The following TSHZ2 variants were observed in gnomAD, a reference collection of about 807,000 sequenced individuals.
TSHZ2 encodes the protein teashirt homolog 2.
Under a neutral mutation model 74.4 loss-of-function variants are expected in TSHZ2, and 21 were observed. That is an observed-to-expected ratio of 0.28 (90% confidence interval 0.20 to 0.41). The LOEUF (loss-of-function observed/expected upper bound fraction) is 0.41. Ranked by LOEUF, TSHZ2 falls within the 10% of genes least tolerant of loss-of-function variation. TSHZ2 has a pLI of 1.00. For missense variants in TSHZ2, 1,244 were observed against 1,293.5 expected, an observed-to-expected ratio of 0.96 and a Z score of 0.59; for synonymous variants, 540 against 515.3, an observed-to-expected ratio of 1.05 and a Z score of -0.65.
chr20:53,207,415 A>G (rs1000114185), intron 1 of TSHZ2, among the ~76,000 whole-genome samples: 1 of 152,132 alleles, frequency 6.6e-6, no homozygotes, highest in Admixed American at 6.5e-5. Flanking sequence ...GTGTGTTCTG[A>G]AGCCCTGAAG....
At chr20:53,066,929 C>CAGG (rs1221348095) in intron 1 of TSHZ2, among the ~76,000 whole-genome samples, 3 of 152,178 alleles carry the variant, frequency 2.0e-5, no homozygotes, top group Non-Finnish European at 2.9e-5. Context: ...GAGTGGGGTG[C>CAGG]AGGAGACAGC....
intron 1 of TSHZ2, among the ~76,000 whole-genome samples, chr20:53,052,967 C>T (rs535373905): frequency 1.2e-4 from 18 of 152,280 alleles, no homozygotes; most frequent in African/African-American, 3.6e-4. Flanking sequence ...CAACCGTCGT[C>T]GCGGTATCTA....
At chr20:53,068,762 C>A (rs1013245914) in intron 1 of TSHZ2, among the ~76,000 whole-genome samples, 4 of 152,054 alleles carry the variant, frequency 2.6e-5, no homozygotes, top group African/African-American at 9.7e-5. Flanking sequence ...ATAGGACACC[C>A]ATATGACTTT....
chr20:52,980,389 G>A (rs999912298), intron 1 of TSHZ2, among the ~76,000 whole-genome samples: 10 of 149,950 alleles, frequency 6.7e-5, no homozygotes, highest in Admixed American at 1.3e-4. Context: ...AAGGCCTCAT[G>A]TTTCCACAAC....
At chr20:53,385,447 G>T (rs189143913) in intron 2 of TSHZ2, among the ~76,000 whole-genome samples, 2 of 152,112 alleles carry the variant, frequency 1.3e-5, no homozygotes, top group African/African-American at 4.8e-5. Context: ...GATCACTCAC[G>T]CCTCCCTCGG....
intron 2 of TSHZ2, among the ~76,000 whole-genome samples, chr20:53,279,890 A>G (rs1173335202): frequency 6.6e-6 from 1 of 152,188 alleles, no homozygotes; most frequent in Non-Finnish European, 1.5e-5. Context: ...TGAGAAGAAG[A>G]GGATTTCAGA....
intron 1 of TSHZ2, among the ~76,000 whole-genome samples, chr20:53,131,292 T>G (rs1393807444): frequency 1.3e-5 from 2 of 152,254 alleles, no homozygotes; most frequent in Non-Finnish European, 2.9e-5. Context: ...AAATAATGCA[T>G]GCTGACAATG....
At chr20:53,248,471 T>G (rs1480908404) in intron 1 of TSHZ2, among the ~76,000 whole-genome samples, 2 of 152,172 alleles carry the variant, frequency 1.3e-5, no homozygotes, top group African/African-American at 2.4e-5. Flanking sequence ...GTAAAACAAA[T>G]GCAGCATATA....
At chr20:53,384,991 G>A (rs191060245) in intron 2 of TSHZ2, among the ~76,000 whole-genome samples, 1 of 152,120 alleles carries the variant, frequency 6.6e-6, no homozygotes, top group African/African-American at 2.4e-5. Context: ...CATAGTGGCG[G>A]GTGCCTGTAG....
chr20:53,141,137 T>C (rs1054012543), intron 1 of TSHZ2, among the ~76,000 whole-genome samples: 1 of 152,152 alleles, frequency 6.6e-6, no homozygotes, highest in East Asian at 1.9e-4. Context: ...ATAGGGATGG[T>C]GCAGTGAGCC....
chr20:53,201,427 G>A (rs990558282), intron 1 of TSHZ2, among the ~76,000 whole-genome samples: 2 of 152,022 alleles, frequency 1.3e-5, no homozygotes, highest in South Asian at 2.1e-4. Context: ...ATTGCATCAC[G>A]GTGACCTCTG....
rs146118260 is a variant in TSHZ2 at position 53,260,847 on chromosome 20, C to T, written c.*8+4276C>T. On this transcript the variant is annotated intron_variant, in intron 2 of 2. Transcript: ENST00000371497. The stretch of plus-strand genomic sequence containing the variant: ...CCATGCTCTGTAGCCTCACCTGCAG[C>T]GTAGAGAACTTGCAGCAACTTCTCA... Among the ~76,000 whole-genome samples the T allele has an allele frequency of 2.1e-3, 323 of 152,262 alleles. 7 individuals are homozygous for T. The highest frequency in any genetic ancestry group is 0.016 in the Admixed American group (246 of 15,298).
intron 1 of TSHZ2, among the ~76,000 whole-genome samples, chr20:53,028,555 G>T (rs553643312): frequency 1.3e-5 from 2 of 152,264 alleles, no homozygotes; most frequent in East Asian, 3.9e-4. Flanking sequence ...TTTTCTCTTT[G>T]CTTTGTTTTT....
chr20:53,123,355 C>T (rs939627912), intron 1 of TSHZ2, among the ~76,000 whole-genome samples: 16 of 152,118 alleles, frequency 1.1e-4, no homozygotes, highest in African/African-American at 1.4e-4. Context: ...CTTCAATAAA[C>T]GTATGATCAG....
intron 1 of TSHZ2, among the ~76,000 whole-genome samples, chr20:53,127,181 A>G (rs1466534031): frequency 6.6e-6 from 1 of 152,132 alleles, no homozygotes; most frequent in Non-Finnish European, 1.5e-5. Context: ...TTCATTTGTT[A>G]TTTTTCAATA....
At chr20:53,088,965 C>T (rs759276861) in intron 1 of TSHZ2, among the ~76,000 whole-genome samples, 1 of 152,108 alleles carries the variant, frequency 6.6e-6, no homozygotes, top group Non-Finnish European at 1.5e-5. Flanking sequence ...TCGGCTGGCT[C>T]AGGATGCACG....
intron 2 of TSHZ2, among the ~76,000 whole-genome samples, chr20:53,292,931 T>C (rs955944504): frequency 1.3e-5 from 2 of 152,224 alleles, no homozygotes; most frequent in African/African-American, 4.8e-5. Flanking sequence ...TACATGCTTC[T>C]TATATGTCCC....
At chr20:53,381,425 A>G (rs948205991) in intron 2 of TSHZ2, among the ~76,000 whole-genome samples, 6 of 152,204 alleles carry the variant, frequency 3.9e-5, no homozygotes, top group African/African-American at 1.4e-4. Context: ...TCATTCAACG[A>G]AAATAAATGG....
rs76381276 is a variant in TSHZ2, at chr20:53,462,811, C to T, written c.*9-24333C>T. Among the ~76,000 whole-genome samples, 46 of 152,206 alleles carry T rather than the reference C, an allele frequency of 3.0e-4. No homozygotes were observed. The East Asian group carries it at 7.2e-3, about 24-fold the overall frequency. ...AGCTTCCACCAGGAGGTCACATGAGCCAGTGGTTAAGGGGCAGGGGTGATG... is the reference window on the plus strand; with the variant it reads ...AGCTTCCACCAGGAGGTCACATGAGTCAGTGGTTAAGGGGCAGGGGTGATG... On this transcript the variant is annotated intron_variant, in intron 2 of 2. Transcript: ENST00000371497.
Sources: gnomAD v4.1 joint callset for allele counts (sites outside exome capture counted in the v4.1 genomes callset) on GRCh38, gnomAD v4.1.1 for gene constraint, MANE v1.5 for transcripts, NCBI Gene and HGNC (gene_info 2026-07-23, HGNC 2026-07-21) for gene names.